DYNC1H1: variants seen among roughly 807,000 people sequenced by gnomAD.
DYNC1H1 encodes the protein cytoplasmic dynein 1 heavy chain 1.
In DYNC1H1, 51 loss-of-function variants were observed where a neutral mutation model predicts 527.1. The observed-to-expected ratio is 0.10, with a 90% CI of 0.08 to 0.12. The LOEUF (loss-of-function observed/expected upper bound fraction) is 0.12. Ranked by LOEUF, DYNC1H1 falls within the 10% of genes least tolerant of loss-of-function variation. The pLI, the probability that DYNC1H1 is intolerant of heterozygous loss-of-function variation, is 1.00. For synonymous variants in DYNC1H1, 2,189 were observed against 2,278.8 expected, an observed-to-expected ratio of 0.96 and a Z score of 1.12; for missense variants, 2,771 against 5,971.8, an observed-to-expected ratio of 0.46 and a Z score of 17.66.
rs2141280934 is a variant in DYNC1H1 at position 101,994,980 on chromosome 14, C to A, written c.3334-6C>A. On this transcript the variant is annotated splice_polypyrimidine_tract_variant and splice_region_variant and intron_variant, in intron 13 of 77. Transcript: ENST00000360184. Reference sequence around the variant, plus strand: ...GATGATGTGTTGTGTGCTATTTCACCCTCAGGTACAATCTAAGGTGAACTT... The same window carrying A: ...GATGATGTGTTGTGTGCTATTTCACACTCAGGTACAATCTAAGGTGAACTT... 6.2e-7 allele frequency: 1 copy of A among 1,614,028 alleles called. No homozygotes were observed. Among genetic ancestry groups the A allele is most frequent in the East Asian group, 2.2e-5 (1 of 44,880 alleles).
intron 42 of DYNC1H1, 60 bp from the exon 43 acceptor site, chr14:102,022,691 C>T: frequency 3.1e-6 from 5 of 1,611,292 alleles, no homozygotes; most frequent in Non-Finnish European, 3.4e-6. Context: ...ACATGGTGAA[C>T]ATGGTGCTTC....
Position 102,036,156 on chromosome 14 carries a change from G to A in DYNC1H1, c.10755-333G>A. 4 of 347,440 alleles carry A rather than the reference G, an allele frequency of 1.2e-5. No homozygotes were observed. The highest frequency in any genetic ancestry group is 9.4e-5 in the South Asian group (4 of 42,780). 21.5% of individuals were successfully genotyped at this position (347,440 alleles called of 1,614,324 possible). A position where few individuals can be genotyped will look rare whatever the true frequency, so the allele number is the denominator to read the frequency against. On this transcript the variant is annotated intron_variant, in intron 56 of 77. Coordinates refer to ENST00000360184, the MANE Select transcript of DYNC1H1 (RefSeq NM_001376.5). The surrounding 1 kb of genome is among the most constrained non-coding windows in gnomAD (Gnocchi z 5.6). ...GACATCATTGATGTTGATACGTGCT[G>A]TCTAGAAGGATCGTAAACATGAAAA...
intron 2 of DYNC1H1, among the ~76,000 whole-genome samples, chr14:101,976,531 A>G (rs1241634855): frequency 6.6e-6 from 1 of 151,910 alleles, no homozygotes. Flanking sequence ...AACAAGAGCG[A>G]AACTCTGTCT....
chr14:101,980,954 C>T (rs1299855586), intron 5 of DYNC1H1, among the ~76,000 whole-genome samples: 1 of 152,174 alleles, frequency 6.6e-6, no homozygotes, highest in East Asian at 1.9e-4. Flanking sequence ...GGAAAAAGAA[C>T]TGGTCAGTAC....
chr14:102,005,133 C>A lies in DYNC1H1; in HGVS notation c.5330C>A (p.Pro1777His), dbSNP rs1418482416. The change falls in exon 26 of 78, where the codon CCC (proline) becomes CAC (histidine). Residue 1777 changes from proline (P) to histidine (H), a missense_variant. Pro to His is a moderately conservative substitution (Grantham distance 77). Coordinates refer to ENST00000360184, the MANE Select transcript of DYNC1H1 (RefSeq NM_001376.5). The surrounding 1 kb of genome is among the most constrained non-coding windows in gnomAD (Gnocchi z 4.0). ...ATGGGCGGAGGTGGAGATGCCGCGC[C>A]CTTGCACTCTGTGCTGAGCAATGTG... ...SSMGGGGDAA[P>H]LHSVLSNVEV... 2 of 1,614,200 alleles carry A rather than the reference C, an allele frequency of 1.2e-6. No homozygotes were observed. The highest frequency in any genetic ancestry group is 1.1e-5 in the South Asian group (1 of 91,088).
In DYNC1H1 at chr14:102,000,268, T is replaced by C. The variant is rs538010608; in HGVS notation, c.3961-18T>C. 1.9e-5 allele frequency: 30 copies of C among 1,614,168 alleles called. No individual in the cohort carries two copies. Among genetic ancestry groups the C allele is most frequent in the Non-Finnish European group, 2.5e-5 (29 of 1,180,008 alleles). On this transcript the variant is annotated intron_variant, in intron 17 of 77. Coordinates refer to ENST00000360184, the MANE Select transcript of DYNC1H1 (RefSeq NM_001376.5). The stretch of plus-strand genomic sequence containing the variant: ...TTTCTATTTCCAAAGTCAACTGCTT[T>C]ACTATTCTCAATCGCAGGTGGCCTT...
rs534435923 is a variant in DYNC1H1 at position 102,019,976 on chromosome 14, G to A, written c.8427G>A (p.Ala2809=). 29 of 1,614,174 alleles carry A rather than the reference G, an allele frequency of 1.8e-5. No individual in the cohort carries two copies. Among genetic ancestry groups the A allele is most frequent in the African/African-American group, 4.0e-5 (3 of 75,040 alleles). The change falls in exon 42 of 78, where the codon GCG becomes GCA. Residue 2809 remains alanine (A), a synonymous_variant. Transcript: ENST00000360184. ...GGTGGGTGAGAGGCATCTTTGAAGC[G>A]CTGAGACCTCTGGAGACCCTGCCTG... ...MTRWVRGIFE[A]LRPLETLPVE...
At position 102,041,838 on chromosome 14, in the gene DYNC1H1, C is replaced by T. The variant is rs1418576254; in HGVS notation, c.12102+104C>T. ...ATCTGCTCTCACTCCGGGCTACAGT[C>T]TCCTCCTAAGACCAGGAACTCGCTG... is the stretch of plus-strand genomic sequence containing the variant. On this transcript the variant is annotated intron_variant, in intron 65 of 77. Coordinates refer to ENST00000360184, the MANE Select transcript of DYNC1H1 (RefSeq NM_001376.5). This position sits in a 1 kb window ranked among gnomAD's most constrained non-coding sequence, Gnocchi z 4.5. 23 of 1,576,174 alleles carry T rather than the reference C, an allele frequency of 1.5e-5. No individual in the cohort carries two copies. The highest frequency in any genetic ancestry group is 1.8e-5 in the Non-Finnish European group (21 of 1,155,772).
chr14:101,991,501 G>T, intron 10 of DYNC1H1, 26 bp from the exon 11 acceptor site: 1 of 1,614,028 alleles, frequency 6.2e-7, no homozygotes, highest in Non-Finnish European at 8.5e-7. Flanking sequence ...AGATTGCTGA[G>T]TAGAAATGAA....
intron 56 of DYNC1H1, 189 bp downstream of exon 56, chr14:102,034,641 TCTG>T: frequency 1.0e-6 from 1 of 956,628 alleles, no homozygotes; most frequent in Non-Finnish European, 1.6e-6. Flanking sequence ...TCTGAGTTAT[TCTG>T]CAGTGAATGC....
intron 69 of DYNC1H1, chr14:102,043,623 G>A (rs1373206016): frequency 3.6e-6 from 2 of 550,388 alleles, no homozygotes; most frequent in East Asian, 3.2e-5. Context: ...CACGTTTTCT[G>A]ACATTCTTAG....
chr14:102,004,192 C>T lies in DYNC1H1; in HGVS notation c.4884-326C>T, dbSNP rs972701510. Among the ~76,000 whole-genome samples the T allele has an allele frequency of 9.9e-5, 15 of 152,022 alleles. No individual in the cohort carries two copies. In the South Asian group the frequency reaches 1.5e-3, roughly 15 times the overall value. ...CCGGGAGGCGGAGCTTGCAGTGAGC[C>T]GAGATCGTGCCACTGCACTCCAGCC... is the stretch of plus-strand genomic sequence containing the variant. On this transcript the variant is annotated intron_variant, in intron 23 of 77. Transcript: ENST00000360184.
Position 102,005,316 on chromosome 14 carries a change from G to GA in DYNC1H1, c.5433+85dup, listed in dbSNP as rs1332725293. ...ACACAGTTAAATGGAAATCATGCTT[G>GA]AAAAAGGTTTCAGGTAGTATCAAGG... On this transcript the variant is annotated intron_variant, in intron 26 of 77. Coordinates refer to ENST00000360184, the MANE Select transcript of DYNC1H1 (RefSeq NM_001376.5). This position sits in a 1 kb window ranked among gnomAD's most constrained non-coding sequence, Gnocchi z 4.0. The GA allele has an allele frequency of 1.3e-6, 2 of 1,584,150 alleles. No homozygotes were observed. The highest frequency in any genetic ancestry group is 2.7e-5 in the African/African-American group (2 of 74,366).
intron 1 of DYNC1H1, among the ~76,000 whole-genome samples, chr14:101,975,429 C>T (rs1261004749): frequency 6.6e-6 from 1 of 152,230 alleles, no homozygotes; most frequent in Non-Finnish European, 1.5e-5. Context: ...CTGCCCACCG[C>T]CAGGCCCTGT....
rs555252614 is a variant in DYNC1H1 at position 102,050,690 on chromosome 14, T to A, written c.*127T>A. ...TGGTCTGAGGTTGGAGGAAGCTGAA[T>A]GGAATCTGACGGTTGGGAGTGGTGG... On this transcript the variant is annotated 3_prime_UTR_variant, in exon 78 of 78. Coordinates refer to ENST00000360184, the MANE Select transcript of DYNC1H1 (RefSeq NM_001376.5). The A allele has an allele frequency of 6.8e-7, 1 of 1,475,260 alleles. No individual in the cohort carries two copies. Among genetic ancestry groups the A allele is most frequent in the East Asian group, 2.3e-5 (1 of 42,950 alleles). 91.4% of individuals were successfully genotyped at this position (1,475,260 alleles called of 1,614,324 possible). A position where few individuals can be genotyped will look rare whatever the true frequency, so the allele number is the denominator to read the frequency against.
At chr14:102,040,853 G>A in intron 64 of DYNC1H1, 180 bp downstream of exon 64, 1 of 722,478 alleles carries the variant, frequency 1.4e-6, no homozygotes, top group South Asian at 1.6e-5. Context: ...CATCTACTCG[G>A]GAGGCTAAAG....
intron 5 of DYNC1H1, 57 bp from the exon 6 acceptor site, chr14:101,982,962 T>C: frequency 1.9e-6 from 3 of 1,593,966 alleles, no homozygotes; most frequent in African/African-American, 2.7e-5. Flanking sequence ...CATATTTTAG[T>C]TTACTTAGTT....
intron 48 of DYNC1H1, 80 bp downstream of exon 48, chr14:102,028,221 A>G: frequency 1.3e-6 from 2 of 1,538,528 alleles, no homozygotes; most frequent in Admixed American, 1.8e-5. Context: ...CTATAAAAAT[A>G]GACCTTAAGG....
At position 102,039,724 on chromosome 14, in the gene DYNC1H1, C is replaced by T. The variant is rs747437862; in HGVS notation, c.11682C>T (p.Gly3894=). Residue 3894 remains glycine (G), a synonymous_variant, in exon 62 of 78, where the codon GGC becomes GGT. Coordinates refer to ENST00000360184, the MANE Select transcript of DYNC1H1 (RefSeq NM_001376.5). The surrounding 1 kb of genome is among the most constrained non-coding windows in gnomAD (Gnocchi z 7.0). ...AMLLARIKLK[G]TVGEPTYDAE... ...TGCTGGCAAGAATCAAACTGAAGGG[C>T]ACCGTGGGGTAAGAGCACTCACGCC... is the stretch of plus-strand genomic sequence containing the variant. The T allele has an allele frequency of 6.8e-6, 11 of 1,614,212 alleles. No individual in the cohort carries two copies. Among genetic ancestry groups the T allele is most frequent in the East Asian group, 2.2e-5 (1 of 44,884 alleles).
Sources: gnomAD v4.1 joint callset for allele counts (sites outside exome capture counted in the v4.1 genomes callset) on GRCh38, gnomAD v4.1.1 for gene constraint, Gnocchi (gnomAD v3.1) non-coding constraint, MANE v1.5 for transcripts, NCBI Gene and HGNC (gene_info 2026-07-23, HGNC 2026-07-21) for gene names.